DHX15: variants seen among roughly 807,000 people sequenced by gnomAD.
The protein encoded by DHX15 is ATP-dependent RNA helicase DHX15.
In DHX15, 11 loss-of-function variants were observed where a neutral mutation model predicts 94.4. That is an observed-to-expected ratio of 0.12 (90% confidence interval 0.07 to 0.19). The LOEUF (loss-of-function observed/expected upper bound fraction) is 0.19, where lower values mean the gene tolerates loss of function less well. DHX15 is among the 10% of genes least tolerant of loss of function. The pLI is 1.00. For synonymous variants in DHX15, 338 were observed against 329.9 expected (o/e 1.02, Z -0.27); for missense variants, 304 against 988.5 (o/e 0.31, Z 9.29).
intron 9 of DHX15, 100 bp from the exon 10 acceptor site, chr4:24,540,399 T>A: frequency 1.0e-6 from 1 of 979,706 alleles, no homozygotes; most frequent in Non-Finnish European, 1.5e-6. Context: ...CATTTTGCAG[T>A]GGACCAAACT....
chr4:24,576,827 C>T, intron 1 of DHX15, 149 bp from the exon 2 acceptor site: 1 of 1,257,288 alleles, frequency 8.0e-7, no homozygotes. Context: ...AAAAAATACC[C>T]TACAATCAAG....
chr4:24,582,071 GA>G (rs200036120), intron 1 of DHX15, among the ~76,000 whole-genome samples: 11 of 148,356 alleles, frequency 7.4e-5, no homozygotes, highest in Non-Finnish European at 1.2e-4. Flanking sequence ...GCTTATCAGG[GA>G]AAAAAAAAAT....
chr4:24,577,189 T>C (rs1477586412), intron 1 of DHX15, among the ~76,000 whole-genome samples: 3 of 152,242 alleles, frequency 2.0e-5, no homozygotes, highest in African/African-American at 7.2e-5. Context: ...TCAATACTTT[T>C]ATAATCCACT....
chr4:24,538,474 G>T (rs1560762058), intron 10 of DHX15: 1 of 151,976 alleles, frequency 6.6e-6, no homozygotes, highest in Non-Finnish European at 1.5e-5. Context: ...GAGTTAAGTG[G>T]GAATAAATAA....
chr4:24,540,470 CA>C (rs1159047896), intron 9 of DHX15, among the ~76,000 whole-genome samples, 171 bp from the exon 10 acceptor site: 1 of 152,094 alleles, frequency 6.6e-6, no homozygotes, highest in Non-Finnish European at 1.5e-5. Context: ...ATCATAAAAA[CA>C]TTGCAAAATT....
At chr4:24,534,956 C>CTTT (rs35732046) in intron 11 of DHX15, among the ~76,000 whole-genome samples, 9 of 143,234 alleles carry the variant, frequency 6.3e-5, no homozygotes, top group South Asian at 2.2e-4. Context: ...AAGTTTTTTG[C>CTTT]TTTTTTTTTT....
chr4:24,539,330 CGTCA>C lies in DHX15; in HGVS notation c.1786+774_1786+777del, dbSNP rs569725648. On this transcript the variant is annotated intron_variant, in intron 10 of 13. Transcript: ENST00000336812. ...AACTAGTAGCAGAGAATATTTTAAT[CGTCA>C]GTAAGAACTTATTTTCTATTTTTAG... Among the ~76,000 whole-genome samples, 65 of 152,172 alleles carry C rather than the reference CGTCA, an allele frequency of 4.3e-4. 1 individual carries two copies. In the South Asian group the frequency reaches 0.013, roughly 31 times the overall value.
chr4:24,537,042 T>C lies in DHX15; in HGVS notation c.1909+9A>G. 6.2e-7 allele frequency: 1 copy of C among 1,612,332 alleles called. No individual in the cohort carries two copies. Among genetic ancestry groups the C allele is most frequent in the Non-Finnish European group, 8.5e-7 (1 of 1,178,902 alleles). ...AGACAAGAGTGTCTCCAATCAAATT[T>C]ACACTTACTTTGTTTAAAAGCATGG... On this transcript the variant is annotated intron_variant, in intron 11 of 13. Coordinates refer to ENST00000336812, the MANE Select transcript of DHX15 (RefSeq NM_001358.3). The surrounding 1 kb of genome is among the most constrained non-coding windows in gnomAD (Gnocchi z 4.7).
chr4:24,527,677 A>C lies in DHX15; in HGVS notation c.*247T>G. Reference sequence around the variant, plus strand: ...AAATGCTTATAACATTGTTATATATAGAACTACTTTCAATAAACTGCAAAA... The same window carrying C: ...AAATGCTTATAACATTGTTATATATCGAACTACTTTCAATAAACTGCAAAA... On this transcript the variant is annotated 3_prime_UTR_variant, in exon 14 of 14. Transcript: ENST00000336812. The C allele has an allele frequency of 2.5e-6, 1 of 407,580 alleles. No homozygotes were observed. 25.2% of individuals were successfully genotyped at this position (407,580 alleles called of 1,614,324 possible). A position where few individuals can be genotyped will look rare whatever the true frequency, so the allele number is the denominator to read the frequency against.
intron 3 of DHX15, among the ~76,000 whole-genome samples, chr4:24,558,149 C>T (rs915336836): frequency 6.6e-6 from 1 of 152,096 alleles, no homozygotes; most frequent in African/African-American, 2.4e-5. Context: ...CAAATACTCT[C>T]AGTATATACA....
chr4:24,530,760 T>C (rs535161717), intron 12 of DHX15: 7 of 152,256 alleles, frequency 4.6e-5, no homozygotes, highest in African/African-American at 1.7e-4. Flanking sequence ...CTCATCAAAA[T>C]GGACAGTTCT....
chr4:24,536,762 T>C lies in DHX15; in HGVS notation c.1909+289A>G, dbSNP rs570253543. Among the ~76,000 whole-genome samples the C allele has an allele frequency of 4.6e-5, 7 of 152,332 alleles. No individual in the cohort carries two copies. In the South Asian group the frequency reaches 1.4e-3, roughly 32 times the overall value. ...TGTAAAATGCACAGAAATAAAAGTA[T>C]ATAAAAACGTGTATGTTAGTGATAC... On this transcript the variant is annotated intron_variant, in intron 11 of 13. Transcript: ENST00000336812.
At chr4:24,531,074 G>C (rs1242504882) in intron 12 of DHX15, among the ~76,000 whole-genome samples, 1 of 150,934 alleles carries the variant, frequency 6.6e-6, no homozygotes, top group African/African-American at 2.4e-5. Context: ...TATAATGCTT[G>C]AATATAGTTT....
At chr4:24,555,249 A>G (rs1489791215) in intron 4 of DHX15, among the ~76,000 whole-genome samples, 2 of 151,988 alleles carry the variant, frequency 1.3e-5, no homozygotes, top group African/African-American at 4.8e-5. Flanking sequence ...AATATGCAGT[A>G]TAATTATTGC....
chr4:24,582,276 A>ACT (rs1447795279), intron 1 of DHX15, among the ~76,000 whole-genome samples: 11 of 152,186 alleles, frequency 7.2e-5, no homozygotes, highest in Middle Eastern at 3.2e-3. Flanking sequence ...CCAAAGATGA[A>ACT]CTCTCCTTTA....
chr4:24,571,889 A>C (rs1205326729), intron 2 of DHX15, among the ~76,000 whole-genome samples: 1 of 152,208 alleles, frequency 6.6e-6, no homozygotes, highest in African/African-American at 2.4e-5. Context: ...ATATCTTTAA[A>C]ACACTTTAAA....
chr4:24,559,391 A>G (rs1013557518), intron 3 of DHX15, among the ~76,000 whole-genome samples: 1 of 151,620 alleles, frequency 6.6e-6, no homozygotes, highest in Admixed American at 6.6e-5. Flanking sequence ...AAAAAAAAAA[A>G]AAAAAGAAAC....
chr4:24,536,928 A>G, intron 11 of DHX15, 123 bp downstream of exon 11: 2 of 1,204,908 alleles, frequency 1.7e-6, no homozygotes, highest in East Asian at 2.8e-5. Flanking sequence ...GAGTTTTTCA[A>G]AAGTACCTCT....
At chr4:24,547,907 A>ATC (rs1560765739) in intron 6 of DHX15, among the ~76,000 whole-genome samples, 25 of 14,520 alleles carry the variant, frequency 1.7e-3, no homozygotes, top group African/African-American at 2.7e-3. Context: ...GTATGTGTAT[A>ATC]TATATATATA....
Sources: gnomAD v4.1 joint callset for allele counts (sites outside exome capture counted in the v4.1 genomes callset) on GRCh38, gnomAD v4.1.1 for gene constraint, Gnocchi (gnomAD v3.1) non-coding constraint, MANE v1.5 for transcripts, NCBI Gene and HGNC (gene_info 2026-07-23, HGNC 2026-07-21) for gene names.